The following UBA1 variants were observed in gnomAD, a reference collection of about 807,000 sequenced individuals.
UBA1 encodes the protein ubiquitin-like modifier-activating enzyme 1.
Under a neutral mutation model 84.7 loss-of-function variants are expected in UBA1, and 4 were observed. The observed-to-expected ratio is 0.05, with a 90% CI of 0.02 to 0.11. UBA1 has a LOEUF of 0.11. Among genes scored for constraint, UBA1 ranks in the 10% least tolerant of loss-of-function variants. UBA1 has a pLI of 1.00. For synonymous variants in UBA1, 364 were observed against 362.6 expected (o/e 1.00, Z -0.04); for missense variants, 513 against 902.8 (o/e 0.57, Z 5.53).
At chrX:47,210,303 C>T (rs1248756121) in intron 18 of UBA1, among the ~76,000 whole-genome samples, 180 bp downstream of exon 18, 1 of 111,937 alleles carries the variant, frequency 8.9e-6, no homozygotes, top group African/African-American at 3.3e-5. Context: ...AGCAAAGAGG[C>T]TTGGTTGCTA....
intron 14 of UBA1, among the ~76,000 whole-genome samples, chrX:47,203,961 TG>T (rs1936534378): frequency 9.2e-6 from 1 of 108,646 alleles, no homozygotes; most frequent in Admixed American, 9.8e-5. Flanking sequence ...TTGGTCAGGC[TG>T]GTCTCGAATT....
intron 1 of UBA1, among the ~76,000 whole-genome samples, chrX:47,198,556 C>T (rs1936285937): frequency 9.0e-6 from 1 of 111,626 alleles, no homozygotes; most frequent in African/African-American, 3.3e-5. Context: ...TTATGCTGGG[C>T]TGGGAAGAAG....
intron 21 of UBA1, 86 bp downstream of exon 21, chrX:47,212,598 G>T: frequency 1.1e-6 from 1 of 921,233 alleles, no homozygotes; most frequent in Admixed American, 2.5e-5. Flanking sequence ...AGCCAGCCCC[G>T]GGCCTTTGTG....
intron 1 of UBA1, chrX:47,197,544 G>C (rs1936246463): frequency 1.3e-6 from 1 of 752,637 alleles, no homozygotes; most frequent in Non-Finnish European, 1.6e-6. Context: ...CTTGGGGTGA[G>C]GGGAAGTGAC....
At chrX:47,214,285 C>T in intron 23 of UBA1, 42 bp from the exon 24 acceptor site, 1 of 1,158,294 alleles carries the variant, frequency 8.6e-7, no homozygotes, top group Non-Finnish European at 1.2e-6. Context: ...GCTGGACCCT[C>T]TGGGATGGTC....
chrX:47,195,124 C>G (rs896847644), intron 1 of UBA1, among the ~76,000 whole-genome samples: 1 of 111,976 alleles, frequency 8.9e-6, no homozygotes, highest in Middle Eastern at 4.7e-3. Flanking sequence ...AGAATCTGCC[C>G]TCAGATCGTT....
At chrX:47,196,136 A>G (rs1319381194) in intron 1 of UBA1, among the ~76,000 whole-genome samples, 4 of 110,922 alleles carry the variant, frequency 3.6e-5, no homozygotes, top group African/African-American at 1.3e-4. Context: ...CCTTTCTCCA[A>G]AAGATCCTTT....
At chrX:47,209,431 G>A in intron 16 of UBA1, 192 bp from the exon 17 acceptor site, 1 of 527,347 alleles carries the variant, frequency 1.9e-6, no homozygotes, top group East Asian at 3.6e-5. Context: ...TGGGATTACA[G>A]GTGTGAGCTA....
chrX:47,191,072 T>C (rs782139559), upstream of UBA1: 118 of 111,179 alleles, frequency 1.1e-3, no homozygotes, highest in African/African-American at 3.8e-3. Flanking sequence ...CGGGGTGATA[T>C]TTAGGGGGCG....
chrX:47,205,715 A>G (rs1474703272), intron 14 of UBA1: 2 of 440,546 alleles, frequency 4.5e-6, no homozygotes, highest in Admixed American at 7.5e-5. Context: ...TTAGCCACGC[A>G]TGGTGGCACA....
At chrX:47,197,981 T>C (rs1556786040) in intron 1 of UBA1, 1 of 869,109 alleles carries the variant, frequency 1.2e-6, no homozygotes. Context: ...CTGATCAATC[T>C]AATACTCATT....
At position 47,214,781 on chromosome X, in the gene UBA1, C is replaced by T; in HGVS notation, c.3042-13C>T. The T allele has an allele frequency of 1.7e-6, 2 of 1,210,361 alleles. No homozygotes were observed. Among genetic ancestry groups the T allele is most frequent in the Non-Finnish European group, 2.2e-6 (2 of 895,506 alleles). ...GCCCTCCTGACCCTATACTCCCATC[C>T]CCCTATCCCCAGGATGACAGAGATT... On this transcript the variant is annotated splice_polypyrimidine_tract_variant and intron_variant, in intron 25 of 25. Transcript: ENST00000335972.
At chrX:47,210,734 C>T in intron 18 of UBA1, 108 bp from the exon 19 acceptor site, 2 of 844,810 alleles carry the variant, frequency 2.4e-6, no homozygotes, top group South Asian at 2.2e-5. Flanking sequence ...GAGTGCCCAA[C>T]CCAAGATAGT....
rs1602624598 is a variant in UBA1 at position 47,198,809 on chromosome X, A to G, written c.7A>G (p.Ser3Gly). MS[S>G]SPLSKKRRVS... Reference sequence around the variant, plus strand: ...TGACCTTTTTTTCCTCCAGATGTCCAGCTCGCCGCTGTCCAAGAAACGTCG... The same window carrying G: ...TGACCTTTTTTTCCTCCAGATGTCCGGCTCGCCGCTGTCCAAGAAACGTCG... The change falls in exon 2 of 26, where the codon AGC becomes GGC. Residue 3 changes from serine (S) to glycine (G), a missense_variant. Ser to Gly is a moderately conservative substitution (Grantham distance 56). This residue lies in a region of UBA1 where 38 missense variants were observed against 43.4 expected (regional missense o/e 0.88). Transcript: ENST00000335972. 9 of 1,211,546 alleles carry G rather than the reference A, an allele frequency of 7.4e-6. No individual in the cohort carries two copies. Among genetic ancestry groups the G allele is most frequent in the Non-Finnish European group, 1.0e-5 (9 of 895,352 alleles).
Position 47,214,370 on chromosome X carries a change from A to G in UBA1, c.2882A>G (p.Gln961Arg). The G allele has an allele frequency of 8.3e-7, 1 of 1,211,228 alleles. No individual in the cohort carries two copies. Among genetic ancestry groups the G allele is most frequent in the Non-Finnish European group, 1.1e-6 (1 of 895,326 alleles). ...ACATTGTGGGATCGCTTTGAGGTACAAGGGCTGCAGCCTAATGGTGAGGAG... is the reference window on the plus strand; with the variant it reads ...ACATTGTGGGATCGCTTTGAGGTACGAGGGCTGCAGCCTAATGGTGAGGAG... ...EWTLWDRFEV[Q>R]GLQPNGEEMT... The change falls in exon 24 of 26, where the codon CAA becomes CGA. Residue 961 changes from glutamine to arginine, a missense_variant. Transcript: ENST00000335972.
chrX:47,205,527 T>A (rs1556790474), intron 14 of UBA1: 1 of 347,479 alleles, frequency 2.9e-6, no homozygotes. Context: ...GGCCTGGGTC[T>A]TCCCCAGCAT....
chrX:47,212,892 C>T (rs1275081662), intron 22 of UBA1, 29 bp downstream of exon 22: 6 of 1,207,589 alleles, frequency 5.0e-6, no homozygotes, highest in Admixed American at 2.2e-5. Context: ...TGATGTTCCA[C>T]CCTCCTCCAG....
At chrX:47,196,184 A>AG (rs782610851) in intron 1 of UBA1, among the ~76,000 whole-genome samples, 130 of 111,169 alleles carry the variant, frequency 1.2e-3, no homozygotes, top group African/African-American at 4.2e-3. Flanking sequence ...CTAATACCCT[A>AG]GCCTAGTCCT....
At chrX:47,203,752 T>TTC (rs1936518433) in intron 14 of UBA1, 56 bp downstream of exon 14, 1 of 1,109,441 alleles carries the variant, frequency 9.0e-7, no homozygotes, top group East Asian at 3.1e-5. Flanking sequence ...TTTTTCTTTT[T>TTC]TTTTTTTTTT....
Sources: gnomAD v4.1 joint callset for allele counts (sites outside exome capture counted in the v4.1 genomes callset) on GRCh38, gnomAD v4.1.1 for gene constraint, gnomAD v4.1.1 regional missense constraint, MANE v1.5 for transcripts, NCBI Gene and HGNC (gene_info 2026-07-23, HGNC 2026-07-21) for gene names.